Variants in TRMT11 observed in about 807,000 individuals in gnomAD.
TRMT11 encodes tRNA (guanine(10)-N(2))-methyltransferase TRMT11.
A neutral mutation model predicts 62.8 loss-of-function variants in TRMT11; 53 were observed. The ratio of observed to expected loss-of-function variants is 0.84; its 90% CI spans 0.68 to 1.06. The LOEUF is 1.06. Among genes scored for constraint, TRMT11 ranks in the 50% least tolerant of loss-of-function variants. The probability of loss-of-function intolerance (pLI) is 0.00; values close to 1 mark genes in which losing one functional copy is unlikely to be tolerated. For missense variants in TRMT11, 556 were observed against 553.4 expected (o/e 1.00, Z -0.05); for synonymous variants, 188 against 190.3 (o/e 0.99, Z 0.10).
exon 2 of TRMT11, chr6:126,198,864 T>G (rs1202220623): frequency 6.6e-6 from 1 of 152,202 alleles, no homozygotes; most frequent in Non-Finnish European, 1.5e-5. Context: ...CAGCAGTATT[T>G]CCTTCCAAAA....
intron 12 of TRMT11, among the ~76,000 whole-genome samples, chr6:126,036,339 G>T (rs1775190436): frequency 6.6e-6 from 1 of 152,066 alleles, no homozygotes; most frequent in Non-Finnish European, 1.5e-5. Flanking sequence ...TATTAAATTT[G>T]CATTTTAATA....
intron 7 of TRMT11, among the ~76,000 whole-genome samples, chr6:126,000,220 G>T (rs1792242747): frequency 6.6e-6 from 1 of 152,092 alleles, no homozygotes; most frequent in East Asian, 1.9e-4. Context: ...AACTCCATCT[G>T]ACTCTGTGCA....
chr6:126,125,194 A>G (rs1777701504), intron 21 of TRMT11, among the ~76,000 whole-genome samples: 1 of 150,538 alleles, frequency 6.6e-6, no homozygotes, highest in South Asian at 2.1e-4. Context: ...TTTATTTTTC[A>G]CTCTTCTTTG....
intron 17 of TRMT11, among the ~76,000 whole-genome samples, chr6:126,103,439 A>T (rs1777425760): frequency 6.6e-6 from 1 of 152,202 alleles, no homozygotes; most frequent in Non-Finnish European, 1.5e-5. Flanking sequence ...AAAACAACAC[A>T]CATATATTTC....
intron 21 of TRMT11, among the ~76,000 whole-genome samples, chr6:126,149,457 T>A (rs2128220412): frequency 6.6e-6 from 1 of 152,322 alleles, no homozygotes; most frequent in Non-Finnish European, 1.5e-5. Context: ...TATTATTTAA[T>A]ATTGTCCTTA....
chr6:125,993,521 C>T (rs185855587), intron 1 of TRMT11, among the ~76,000 whole-genome samples: 1 of 152,026 alleles, frequency 6.6e-6, no homozygotes, highest in Non-Finnish European at 1.5e-5. Flanking sequence ...ATTTTTTGAT[C>T]AAGTGTTTGC....
chr6:126,072,475 T>C (rs1417044245), intron 17 of TRMT11, among the ~76,000 whole-genome samples: 2 of 152,204 alleles, frequency 1.3e-5, no homozygotes, highest in Non-Finnish European at 2.9e-5. Flanking sequence ...TTGAGTATGG[T>C]AGGTGTTCAA....
chr6:126,169,080 A>G (rs773371111), intron 21 of TRMT11, among the ~76,000 whole-genome samples: 5 of 152,230 alleles, frequency 3.3e-5, no homozygotes, highest in Non-Finnish European at 7.3e-5. Flanking sequence ...GCATTTCTTC[A>G]GTCTCCTGGA....
At chr6:126,093,609 A>AT (rs1562321359) in intron 17 of TRMT11, among the ~76,000 whole-genome samples, 1 of 91,040 alleles carries the variant, frequency 1.1e-5, no homozygotes, top group African/African-American at 7.1e-5. Context: ...ATATATATAT[A>AT]TATATATATA....
At chr6:126,072,558 G>A (rs1776888955) in intron 17 of TRMT11, among the ~76,000 whole-genome samples, 1 of 152,142 alleles carries the variant, frequency 6.6e-6, no homozygotes, top group Admixed American at 6.6e-5. Flanking sequence ...AGCATATATT[G>A]AGTATATAAA....
chr6:126,057,867 C>T (rs780111601), intron 17 of TRMT11, among the ~76,000 whole-genome samples: 4 of 152,134 alleles, frequency 2.6e-5, no homozygotes, highest in Non-Finnish European at 4.4e-5. Context: ...CAGAGTCTTT[C>T]TATTAGAGCA....
chr6:126,151,838 C>CTTT (rs1298010408), intron 21 of TRMT11, among the ~76,000 whole-genome samples: 5 of 129,484 alleles, frequency 3.9e-5, no homozygotes, highest in Admixed American at 8.2e-5. Flanking sequence ...TTCTTTCTTT[C>CTTT]TTTCTTTCTT....
chr6:126,153,387 T>A (rs961506122), intron 21 of TRMT11, among the ~76,000 whole-genome samples: 1 of 152,236 alleles, frequency 6.6e-6, no homozygotes. Flanking sequence ...GACATTGAAG[T>A]AAACTGAAAA....
At position 126,074,745 on chromosome 6, in the gene TRMT11, AACTT is replaced by A. The variant is rs753264456; in HGVS notation, c.*1437+21561_*1437+21564del. On this transcript the variant is annotated intron_variant and NMD_transcript_variant, in intron 17 of 22. Transcript: ENST00000648977. ...TTTCAATGAAACCTATGTAAATAGT[AACTT>A]ACTTAATTCACCAGAATCCTCAGTG... 3.9e-5 allele frequency among the ~76,000 whole-genome samples: 6 copies of A among 152,302 alleles called. No homozygotes were observed. In the South Asian group the frequency reaches 6.2e-4, roughly 16 times the overall value.
chr6:126,080,617 GTGAC>G (rs1181636603), intron 17 of TRMT11, among the ~76,000 whole-genome samples: 1 of 152,142 alleles, frequency 6.6e-6, no homozygotes, highest in Non-Finnish European at 1.5e-5. Context: ...ATTTGTTAGA[GTGAC>G]TGTGCACTGT....
chr6:126,260,157 G>A, the TRMT11 span, among the ~76,000 whole-genome samples: 9 of 151,838 alleles, frequency 5.9e-5, no homozygotes, highest in Admixed American at 3.9e-4. Context: ...TTATTTTGTT[G>A]TATACCTTTG....
At chr6:126,188,741 T>G (rs904431305) in intron 1 of TRMT11, among the ~76,000 whole-genome samples, 4 of 152,312 alleles carry the variant, frequency 2.6e-5, no homozygotes, top group Non-Finnish European at 2.9e-5. Flanking sequence ...AGCCACTATA[T>G]AGTTACTGTT....
At chr6:126,141,187 A>G (rs1777912755) in intron 21 of TRMT11, among the ~76,000 whole-genome samples, 1 of 152,100 alleles carries the variant, frequency 6.6e-6, no homozygotes, top group Non-Finnish European at 1.5e-5. Flanking sequence ...GGCTTGGACT[A>G]TTTCTAATCA....
chr6:126,271,575 A>G, the TRMT11 span, among the ~76,000 whole-genome samples: 5 of 152,010 alleles, frequency 3.3e-5, no homozygotes, highest in Non-Finnish European at 5.9e-5. Context: ...AATCAGAGGC[A>G]AAATATATTT....
Sources: allele counts gnomAD v4.1 joint callset (sites outside exome capture counted in the v4.1 genomes callset), GRCh38; gene constraint gnomAD v4.1.1; transcripts MANE v1.5; gene names NCBI Gene and HGNC (gene_info 2026-07-23, HGNC 2026-07-21).